The following LRRC9 variants were observed in gnomAD, a reference collection of about 807,000 sequenced individuals.
LRRC9 encodes the protein leucine rich repeat containing 9.
LRRC9 carries 122 observed loss-of-function variants against 63.2 expected under a neutral mutation model. That is an observed-to-expected ratio of 1.93 (90% CI 1.67 to 2.24). The LOEUF (loss-of-function observed/expected upper bound fraction) is 2.24. Ranked by LOEUF, LRRC9 falls within the 30% of genes most tolerant of loss-of-function variation. The probability of loss-of-function intolerance (pLI) is 0.00; values close to 1 mark genes in which losing one functional copy is unlikely to be tolerated. For missense variants in LRRC9, 1,071 were observed against 627.7 expected (o/e 1.71, Z -7.55); for synonymous variants, 366 against 213.1 (o/e 1.72, Z -6.25).
chr14:59,968,103 G>T (rs1376037123), intron 12 of LRRC9, among the ~76,000 whole-genome samples: 2 of 152,158 alleles, frequency 1.3e-5, no homozygotes, highest in African/African-American at 4.8e-5. Context: ...AAAAAGAAAT[G>T]AAATTCCGAA....
chr14:60,013,269 T>C (rs1461417033), intron 23 of LRRC9, among the ~76,000 whole-genome samples: 1 of 152,130 alleles, frequency 6.6e-6, no homozygotes, highest in Non-Finnish European at 1.5e-5. Flanking sequence ...TTGAGGGGAC[T>C]GCCTAAACAA....
chr14:60,002,058 G>C, exon 20 of LRRC9: 2 of 702,262 alleles, frequency 2.8e-6, no homozygotes, highest in Non-Finnish European at 5.2e-6. Context: ...AGGTTTCAAA[G>C]TTAGGACCTC....
chr14:59,952,197 T>C (rs1361080462), intron 8 of LRRC9, among the ~76,000 whole-genome samples: 3 of 151,770 alleles, frequency 2.0e-5, no homozygotes, highest in Admixed American at 2.0e-4. Context: ...GGATATAGTC[T>C]CGTGGTGCGC....
At chr14:59,937,896 A>C (rs2139819170) in intron 6 of LRRC9, among the ~76,000 whole-genome samples, 1 of 152,268 alleles carries the variant, frequency 6.6e-6, no homozygotes, top group South Asian at 2.1e-4. Context: ...ACAAACAAAA[A>C]AAACAAAAAT....
intron 6 of LRRC9, among the ~76,000 whole-genome samples, chr14:59,933,336 C>G (rs889357737): frequency 1.3e-5 from 2 of 152,142 alleles, no homozygotes; most frequent in Admixed American, 6.6e-5. Flanking sequence ...TTGCTGTATC[C>G]ACAATCCTTA....
intron 16 of LRRC9, among the ~76,000 whole-genome samples, chr14:59,982,438 G>C (rs942596790): frequency 2.6e-5 from 4 of 152,088 alleles, no homozygotes; most frequent in African/African-American, 4.8e-5. Flanking sequence ...CTGGAGGCTG[G>C]GACATCCAAG....
At chr14:59,991,624 T>G (rs1370182957) in intron 17 of LRRC9, among the ~76,000 whole-genome samples, 5 of 152,118 alleles carry the variant, frequency 3.3e-5, no homozygotes, top group Admixed American at 3.3e-4. Flanking sequence ...ACCCTAATAT[T>G]GCACTTTTCC....
rs370743624 is a variant in LRRC9 at position 60,053,418 on chromosome 14, CACAT to C, written c.4131+215_4131+218del. Among the ~76,000 whole-genome samples the C allele has an allele frequency of 0.16, 3,882 of 23,834 alleles. 77 individuals carry two copies. The highest frequency in any genetic ancestry group is 0.33 in the Admixed American group (642 of 1,954). The allele number at this position is 23,834 out of a possible 152,430, so 15.6% of individuals were successfully genotyped here. ...ACACACACACACACACACACACACACACATATATATGTAAGTCAGGGAACATCCT... is the reference window on the plus strand; with the variant it reads ...ACACACACACACACACACACACACACATATATGTAAGTCAGGGAACATCCT... On this transcript the variant is annotated intron_variant, in intron 30 of 31. Transcript: ENST00000445360. The surrounding 1 kb of genome is among the most constrained non-coding windows in gnomAD (Gnocchi z 4.8).
chr14:59,973,613 A>C (rs1459192669), intron 12 of LRRC9: 1 of 152,112 alleles, frequency 6.6e-6, no homozygotes, highest in East Asian at 1.9e-4. Context: ...ACTACTTACA[A>C]TGCAATGTAA....
At chr14:59,945,325 A>G (rs1882248313) in intron 8 of LRRC9, among the ~76,000 whole-genome samples, 1 of 151,998 alleles carries the variant, frequency 6.6e-6, no homozygotes, top group African/African-American at 2.4e-5. Flanking sequence ...TCTTGTATAT[A>G]TAGTAATTCC....
chr14:59,991,512 G>A (rs951300489), intron 17 of LRRC9, among the ~76,000 whole-genome samples: 2 of 152,120 alleles, frequency 1.3e-5, no homozygotes, highest in African/African-American at 4.8e-5. Context: ...CCGAAGCATG[G>A]TGAGGCATTG....
rs1294974772 is a variant in LRRC9 at position 60,053,343 on chromosome 14, T to C, written c.4131+138T>C. On this transcript the variant is annotated intron_variant, in intron 30 of 31. Transcript: ENST00000445360. The surrounding 1 kb of genome is among the most constrained non-coding windows in gnomAD (Gnocchi z 4.8). The stretch of plus-strand genomic sequence containing the variant: ...ATCTTAGTATCTATTTAGTGATTAC[T>C]ATCAAAGGCAGCTGGATTTGGTGAA... 1.8e-6 allele frequency: 1 copy of C among 562,274 alleles called. No individual in the cohort carries two copies. The allele number at this position is 562,274 out of a possible 1,614,324, so 34.8% of individuals were successfully genotyped here. A position where few individuals can be genotyped will look rare whatever the true frequency, so the allele number is the denominator to read the frequency against.
chr14:59,954,092 C>T lies in LRRC9; in HGVS notation c.883-5726C>T, dbSNP rs968400490. On this transcript the variant is annotated intron_variant, in intron 8 of 31. Coordinates refer to ENST00000445360, the Ensembl canonical transcript of LRRC9. The stretch of plus-strand genomic sequence containing the variant: ...TGCAGTATAGTTTGAAGTCAGGTAG[C>T]ATGATGCCTTCAGCTTTATTCTTCT... 1.4e-4 allele frequency among the ~76,000 whole-genome samples: 22 copies of T among 152,144 alleles called. 1 individual carries two copies. The highest frequency in any genetic ancestry group is 1.5e-5 in the Non-Finnish European group (1 of 68,014).
At chr14:60,049,087 T>C (rs765302897) in intron 29 of LRRC9, among the ~76,000 whole-genome samples, 4 of 152,178 alleles carry the variant, frequency 2.6e-5, no homozygotes, top group Non-Finnish European at 5.9e-5. Flanking sequence ...TCAACATCTC[T>C]TCATGTTAAA....
At position 59,999,078 on chromosome 14, in the gene LRRC9, ATTTT is replaced by A; in HGVS notation, c.2404-16_2404-13del. ...TAACATATTTAACAGTTTATAAAAA[ATTTT>A]TTTTTTGTTTTTCCCAAGCCAGCCA... On this transcript the variant is annotated intron_variant, in intron 18 of 31. Coordinates refer to ENST00000445360, the Ensembl canonical transcript of LRRC9. The A allele has an allele frequency of 3.4e-6, 2 of 590,692 alleles. No individual in the cohort carries two copies. Among genetic ancestry groups the A allele is most frequent in the Non-Finnish European group, 6.1e-6 (2 of 330,426 alleles). The allele number at this position is 590,692 out of a possible 1,614,324, so 36.6% of individuals were successfully genotyped here.
rs61294339 is a variant in LRRC9, at chr14:59,938,960, C to CATAT, written c.726+389_726+390insTATA. Among the ~76,000 whole-genome samples the CATAT allele has an allele frequency of 4.2e-5, 6 of 143,106 alleles. No individual in the cohort carries two copies. Among genetic ancestry groups the CATAT allele is most frequent in the Admixed American group, 2.8e-4 (4 of 14,092 alleles). 93.9% of individuals were successfully genotyped at this position (143,106 alleles called of 152,430 possible). On this transcript the variant is annotated intron_variant, in intron 7 of 31. Transcript: ENST00000445360. The surrounding 1 kb of genome is among the most constrained non-coding windows in gnomAD (Gnocchi z 4.2). ...ATATACATATACATACATATATACACACATATATACATATATACATATATA... is the reference window on the plus strand; with the variant it reads ...ATATACATATACATACATATATACACATATACATATATACATATATACATATATA...
In LRRC9 at chr14:59,966,573, A is replaced by G. The variant is rs1463809742; in HGVS notation, c.1212-16A>G. On this transcript the variant is annotated splice_polypyrimidine_tract_variant and intron_variant, in intron 10 of 31. Coordinates refer to ENST00000445360, the Ensembl canonical transcript of LRRC9. This position sits in a 1 kb window ranked among gnomAD's most constrained non-coding sequence, Gnocchi z 4.0. ...ATTATTTTCTTCATGTATATTCTGT[A>G]TGTATTCCCACATAGGTTTAATTTC... is the stretch of plus-strand genomic sequence containing the variant. 1.6e-6 allele frequency: 1 copy of G among 636,772 alleles called. No individual in the cohort carries two copies. Among genetic ancestry groups the G allele is most frequent in the Non-Finnish European group, 2.8e-6 (1 of 352,452 alleles). The allele number at this position is 636,772 out of a possible 1,614,324, so 39.4% of individuals were successfully genotyped here.
rs1327414315 is a variant in LRRC9 at position 59,936,597 on chromosome 14, G to A, written c.544-1793G>A. Among the ~76,000 whole-genome samples, 3 of 152,112 alleles carry A rather than the reference G, an allele frequency of 2.0e-5. No individual in the cohort carries two copies. The highest frequency in any genetic ancestry group is 1.3e-4 in the Admixed American group (2 of 15,266). The stretch of plus-strand genomic sequence containing the variant: ...CCACCATCTGCTAGCTCAGACTAAT[G>A]GTCAAATGAAACATAGCAACCCAGT... On this transcript the variant is annotated intron_variant, in intron 6 of 31. Coordinates refer to ENST00000445360, the Ensembl canonical transcript of LRRC9. This position sits in a 1 kb window ranked among gnomAD's most constrained non-coding sequence, Gnocchi z 4.2.
rs1889613192 is a variant in LRRC9, at chr14:60,004,075, A to G, written c.2842+277A>G. 6.6e-6 allele frequency among the ~76,000 whole-genome samples: 1 copy of G among 152,212 alleles called. No individual in the cohort carries two copies. Among genetic ancestry groups the G allele is most frequent in the Admixed American group, 6.5e-5 (1 of 15,274 alleles). ...AAATTAAAAAATAAAAGATAAATAA[A>G]AAATTAAAACGAGTTCATACCTATT... On this transcript the variant is annotated intron_variant, in intron 21 of 31. Coordinates refer to ENST00000445360, the Ensembl canonical transcript of LRRC9. The surrounding 1 kb of genome is among the most constrained non-coding windows in gnomAD (Gnocchi z 4.8).
Sources: allele counts gnomAD v4.1 joint callset (sites outside exome capture counted in the v4.1 genomes callset), GRCh38; gene constraint gnomAD v4.1.1; non-coding constraint Gnocchi (gnomAD v3.1); transcripts MANE v1.5; gene names NCBI Gene and HGNC (gene_info 2026-07-23, HGNC 2026-07-21).